ABCC4: variants seen among roughly 807,000 people sequenced by gnomAD.
ABCC4 encodes the protein ATP-binding cassette sub-family C member 4.
In ABCC4, 102 loss-of-function variants were observed where a neutral mutation model predicts 168.5. That is an observed-to-expected ratio of 0.61 (90% CI 0.52 to 0.71). The LOEUF is 0.71. Among genes scored for constraint, ABCC4 ranks in the 30% least tolerant of loss-of-function variants. ABCC4 has a pLI of 0.00. For synonymous variants in ABCC4, 617 were observed against 590.7 expected, an observed-to-expected ratio of 1.04 and a Z score of -0.65; for missense variants, 1,402 against 1,605.8, an observed-to-expected ratio of 0.87 and a Z score of 2.17.
At chr13:95,218,888 C>G (rs1293510180) in intron 4 of ABCC4, among the ~76,000 whole-genome samples, 1 of 72,662 alleles carries the variant, frequency 1.4e-5, no homozygotes, top group Admixed American at 1.5e-4. Context: ...AAGAGACAGA[C>G]AGATGAGAGA....
intron 20 of ABCC4, among the ~76,000 whole-genome samples, chr13:95,105,689 G>C (rs1729775): frequency 6.6e-6 from 1 of 151,782 alleles, no homozygotes; most frequent in East Asian, 2.0e-4. Flanking sequence ...TAGTGGCCTC[G>C]GCACTGCTGG....
chr13:95,073,334 C>G (rs755985570), intron 23 of ABCC4, 30 bp from the exon 24 acceptor site: 75 of 1,571,496 alleles, frequency 4.8e-5, no homozygotes, highest in Non-Finnish European at 6.5e-5. Flanking sequence ...GGAATAAAGT[C>G]AGTCTCACTT....
intron 9 of ABCC4, among the ~76,000 whole-genome samples, chr13:95,191,114 T>A (rs1430165649): frequency 1.3e-5 from 2 of 152,118 alleles, no homozygotes; most frequent in East Asian, 3.9e-4. Flanking sequence ...CAGTTACTCA[T>A]CAACCCCTCT....
intron 20 of ABCC4, among the ~76,000 whole-genome samples, chr13:95,090,247 G>C (rs1415442937): frequency 6.6e-6 from 1 of 152,174 alleles, no homozygotes; most frequent in African/African-American, 2.4e-5. Flanking sequence ...TGCACTGCTA[G>C]TTCCTCTTCA....
intron 29 of ABCC4, among the ~76,000 whole-genome samples, chr13:95,040,668 T>C (rs750598227): frequency 1.3e-5 from 2 of 152,220 alleles, no homozygotes; most frequent in African/African-American, 2.4e-5. Context: ...GTCGGTTTCT[T>C]AAAGAGAAGT....
chr13:95,022,129 T>C (rs560943658), intron 30 of ABCC4, among the ~76,000 whole-genome samples: 2 of 152,216 alleles, frequency 1.3e-5, no homozygotes, highest in East Asian at 3.8e-4. Flanking sequence ...TAAACTCTGA[T>C]TGACAAGCAT....
intron 20 of ABCC4, among the ~76,000 whole-genome samples, chr13:95,101,354 A>ATTT (rs4148526): frequency 7.0e-5 from 10 of 141,962 alleles, no homozygotes; most frequent in African/African-American, 2.3e-4. Flanking sequence ...CAAGCTGCTG[A>ATTT]TTTTTTTTTT....
chr13:95,152,384 TTTC>T lies in ABCC4; in HGVS notation c.2455+8802_2455+8804del, dbSNP rs370917901. ...AGATGCAAATGCACTCTTGGAACTATTTCTTGTTCTGTCCAGCCAACAAATATT... is the reference window on the plus strand; with the variant it reads ...AGATGCAAATGCACTCTTGGAACTATTTGTTCTGTCCAGCCAACAAATATT... On this transcript the variant is annotated intron_variant, in intron 19 of 30. Transcript: ENST00000645237. 1.1e-4 allele frequency among the ~76,000 whole-genome samples: 17 copies of T among 152,332 alleles called. No individual in the cohort carries two copies. In the East Asian group the frequency reaches 2.5e-3, roughly 22 times the overall value.
chr13:95,266,253 G>C (rs2040671158), intron 1 of ABCC4: 1 of 152,650 alleles, frequency 6.6e-6, no homozygotes, highest in South Asian at 2.1e-4. Context: ...CCAAGAAAGA[G>C]GCGGGGGAGA....
At chr13:95,234,128 T>C (rs1161685900) in intron 4 of ABCC4, among the ~76,000 whole-genome samples, 2 of 152,242 alleles carry the variant, frequency 1.3e-5, no homozygotes, top group Non-Finnish European at 2.9e-5. Flanking sequence ...CTAGATTTAA[T>C]TTCATAGATC....
At position 95,301,431 on chromosome 13, in the gene ABCC4, C is replaced by T. The variant is rs2041680990; in HGVS notation, c.-117G>A. ...GGGCTCCGGCCGCCACGCCTGTCCG[C>T]TCGGCTGGAGCCTGTGAAGCAGCCG... On this transcript the variant is annotated 5_prime_UTR_variant, in exon 1 of 31. Transcript: ENST00000645237. The T allele has an allele frequency of 1.1e-6, 1 of 892,652 alleles. No homozygotes were observed. Among genetic ancestry groups the T allele is most frequent in the South Asian group, 2.2e-5 (1 of 45,622 alleles). 55.3% of individuals were successfully genotyped at this position (892,652 alleles called of 1,614,324 possible).
At chr13:95,093,378 T>C (rs991707061) in intron 20 of ABCC4, among the ~76,000 whole-genome samples, 2 of 152,180 alleles carry the variant, frequency 1.3e-5, no homozygotes, top group Admixed American at 6.5e-5. Context: ...GATGTAGAGA[T>C]GGTTTAACAT....
At chr13:95,216,597 C>A (rs1364316212) in intron 4 of ABCC4, among the ~76,000 whole-genome samples, 6 of 87,428 alleles carry the variant, frequency 6.9e-5, no homozygotes, top group Admixed American at 1.5e-4. Flanking sequence ...AGAATGTGTG[C>A]AGGAAATTCA....
chr13:95,169,028 T>C (rs141263514), intron 14 of ABCC4, among the ~76,000 whole-genome samples: 14 of 152,192 alleles, frequency 9.2e-5, no homozygotes, highest in African/African-American at 2.9e-4. Flanking sequence ...GACAATGCCA[T>C]GTGACAACAG....
At chr13:95,134,548 C>G (rs1163321663) in intron 19 of ABCC4, among the ~76,000 whole-genome samples, 1 of 152,056 alleles carries the variant, frequency 6.6e-6, no homozygotes. Flanking sequence ...GGGCAAAACT[C>G]TATCTCTACA....
rs200900349 is a variant in ABCC4, at chr13:95,043,606, G to A, written c.3735+76C>T. 5.6e-5 allele frequency: 74 copies of A among 1,315,942 alleles called. No individual in the cohort carries two copies. The East Asian group carries it at 1.7e-3, about 30-fold the overall frequency. 81.5% of individuals were successfully genotyped at this position (1,315,942 alleles called of 1,614,324 possible). ...TTAACTTACTAGGGGTTTCTATCAA[G>A]TTTTACAAGGAAGGAATAAACTGAA... On this transcript the variant is annotated intron_variant, in intron 29 of 30. Transcript: ENST00000645237.
At position 95,071,675 on chromosome 13, in the gene ABCC4, T is replaced by G. The variant is rs151127848; in HGVS notation, c.3197A>C (p.Lys1066Thr). Residue 1066 changes from lysine (K) to threonine (T), a missense_variant, in exon 25 of 31, where the codon AAA becomes ACA. Lys to Thr is a moderately conservative substitution (Grantham distance 78). Around this residue, in one of 3 missense-constraint regions of ABCC4, gnomAD observed 1,007 missense variants for 1,127.3 expected, o/e 0.89. Coordinates refer to ENST00000645237, the MANE Select transcript of ABCC4 (RefSeq NM_005845.5). ...LVLKHLTALI[K>T]SQEKVGIVGR... ...CTTTAAACAAACCTTTTCTTGTGAT[T>G]TAATGAGTGCTGTCAGATGCTTCAG... 1 of 1,455,566 alleles carries G rather than the reference T, an allele frequency of 6.9e-7. No homozygotes were observed. Among genetic ancestry groups the G allele is most frequent in the Non-Finnish European group, 9.1e-7 (1 of 1,101,092 alleles). 90.2% of individuals were successfully genotyped at this position (1,455,566 alleles called of 1,614,324 possible).
At chr13:95,128,869 C>T (rs892715543) in intron 19 of ABCC4, among the ~76,000 whole-genome samples, 1 of 152,116 alleles carries the variant, frequency 6.6e-6, no homozygotes, top group African/African-American at 2.4e-5. Context: ...GCTGATAATT[C>T]CCAAAGACTT....
intron 20 of ABCC4, among the ~76,000 whole-genome samples, chr13:95,115,409 A>G (rs1390824672): frequency 6.6e-6 from 1 of 152,012 alleles, no homozygotes; most frequent in Non-Finnish European, 1.5e-5. Context: ...TGTATCCGCA[A>G]TAACTGCTCT....
Sources: allele counts gnomAD v4.1 joint callset (sites outside exome capture counted in the v4.1 genomes callset), GRCh38; gene constraint gnomAD v4.1.1; regional missense constraint gnomAD v4.1.1; transcripts MANE v1.5; gene names NCBI Gene and HGNC (gene_info 2026-07-23, HGNC 2026-07-21).